The following RASGRF1 variants were observed in gnomAD, a reference collection of about 807,000 sequenced individuals.
RASGRF1 encodes the protein ras-specific guanine nucleotide-releasing factor 1.
Under a neutral mutation model 138.7 loss-of-function variants are expected in RASGRF1, and 40 were observed. The ratio of observed to expected loss-of-function variants is 0.29; its 90% CI spans 0.22 to 0.38. The LOEUF (loss-of-function observed/expected upper bound fraction) is 0.38, where lower values mean the gene tolerates loss of function less well. Ranked by LOEUF, RASGRF1 falls within the 10% of genes least tolerant of loss-of-function variation. The probability of loss-of-function intolerance (pLI) is 1.00; values close to 1 mark genes in which losing one functional copy is unlikely to be tolerated. For synonymous variants in RASGRF1, 614 were observed against 663.2 expected (o/e 0.93, Z 1.14); for missense variants, 1,108 against 1,650.4 (o/e 0.67, Z 5.69).
chr15:79,084,189 T>G (rs1208864779), intron 1 of RASGRF1, among the ~76,000 whole-genome samples: 2 of 152,172 alleles, frequency 1.3e-5, no homozygotes, highest in Non-Finnish European at 2.9e-5. Flanking sequence ...AAGTTAAGGA[T>G]TTGTCTATAG....
At position 78,961,958 on chromosome 15, in the gene RASGRF1, G is replaced by A. The variant is rs2055551777; in HGVS notation, c.*186C>T. On this transcript the variant is annotated 3_prime_UTR_variant, in exon 27 of 27. Coordinates refer to ENST00000558480, the MANE Select transcript of RASGRF1 (RefSeq NM_001145648.3). Reference sequence around the variant, plus strand: ...ACTGCAGGAGACGAGGGGAGGGATGGGTGGGCGAAGTCTGAAACGGTGCAG... The same window carrying A: ...ACTGCAGGAGACGAGGGGAGGGATGAGTGGGCGAAGTCTGAAACGGTGCAG... 5 of 568,532 alleles carry A rather than the reference G, an allele frequency of 8.8e-6. No homozygotes were observed. The highest frequency in any genetic ancestry group is 3.1e-6 in the Non-Finnish European group (1 of 318,522). 35.2% of individuals were successfully genotyped at this position (568,532 alleles called of 1,614,324 possible). A position where few individuals can be genotyped will look rare whatever the true frequency, so the allele number is the denominator to read the frequency against.
chr15:79,032,070 C>G lies in RASGRF1; in HGVS notation c.1152+53G>C. The G allele has an allele frequency of 1.9e-6, 3 of 1,568,136 alleles. No homozygotes were observed. The highest frequency in any genetic ancestry group is 2.6e-6 in the Non-Finnish European group (3 of 1,154,076). On this transcript the variant is annotated intron_variant, in intron 7 of 26. Transcript: ENST00000558480. The surrounding 1 kb of genome is among the most constrained non-coding windows in gnomAD (Gnocchi z 4.5). ...CTGTGCCCCCACCGCCATGGTCCATCCCCCACACCTGCCTCCCTGACTCTA... is the reference window on the plus strand; with the variant it reads ...CTGTGCCCCCACCGCCATGGTCCATGCCCCACACCTGCCTCCCTGACTCTA...
Position 78,978,220 on chromosome 15 carries a change from G to GTTTTTT in RASGRF1, c.3494+2394_3494+2399dup, listed in dbSNP as rs71148584. 4.6e-4 allele frequency among the ~76,000 whole-genome samples: 58 copies of GTTTTTT among 125,092 alleles called. 4 individuals carry two copies. Among genetic ancestry groups the GTTTTTT allele is most frequent in the African/African-American group, 1.9e-3 (47 of 24,818 alleles). The allele number at this position is 125,092 out of a possible 152,430, so 82.1% of individuals were successfully genotyped here. On this transcript the variant is annotated intron_variant, in intron 24 of 26. Coordinates refer to ENST00000558480, the MANE Select transcript of RASGRF1 (RefSeq NM_001145648.3). Reference sequence around the variant, plus strand: ...CTTCTTTTTCTTTTTCTTTTCTTTTGTTTTTTTTTTTTTTTTTTTTTTTTG... The same window carrying GTTTTTT: ...CTTCTTTTTCTTTTTCTTTTCTTTTGTTTTTTTTTTTTTTTTTTTTTTTTTTTTTTG...
At chr15:79,038,095 C>CACT (rs1263663857) in intron 5 of RASGRF1, among the ~76,000 whole-genome samples, 2 of 152,184 alleles carry the variant, frequency 1.3e-5, no homozygotes, top group Non-Finnish European at 1.5e-5. Context: ...TGCTCACCTC[C>CACT]TGCTGTGGGG....
rs541412491 is a variant in RASGRF1 at position 79,032,911 on chromosome 15, G to C, written c.959-595C>G. On this transcript the variant is annotated intron_variant, in intron 6 of 26. Transcript: ENST00000558480. This position sits in a 1 kb window ranked among gnomAD's most constrained non-coding sequence, Gnocchi z 4.5. ...GGCCACCCTCCCTCCTGCAGTCTCC[G>C]TCCTGAGACAGAAGTGGCCTATCTG... 7.9e-5 allele frequency among the ~76,000 whole-genome samples: 12 copies of C among 152,166 alleles called. No individual in the cohort carries two copies. The highest frequency in any genetic ancestry group is 1.6e-4 in the Non-Finnish European group (11 of 68,030).
intron 23 of RASGRF1, among the ~76,000 whole-genome samples, chr15:78,982,398 G>A (rs1408392123): frequency 6.6e-6 from 1 of 152,164 alleles, no homozygotes; most frequent in African/African-American, 2.4e-5. Flanking sequence ...GCTGTCTCCA[G>A]GAAGGAGCTC....
In RASGRF1 at chr15:79,032,795, G is replaced by A. The variant is rs1451168759; in HGVS notation, c.959-479C>T. On this transcript the variant is annotated intron_variant, in intron 6 of 26. Transcript: ENST00000558480. The surrounding 1 kb of genome is among the most constrained non-coding windows in gnomAD (Gnocchi z 4.5). ...TCCAGAGCTTCCTGTGGGGTCGGCT[G>A]AGGCTTCTGTTGCAGCTGGAAGGCT... Among the ~76,000 whole-genome samples, 4 of 152,186 alleles carry A rather than the reference G, an allele frequency of 2.6e-5. No individual in the cohort carries two copies. Among genetic ancestry groups the A allele is most frequent in the Non-Finnish European group, 5.9e-5 (4 of 68,018 alleles).
chr15:79,020,418 C>G (rs1208350377), intron 10 of RASGRF1, among the ~76,000 whole-genome samples: 2 of 152,264 alleles, frequency 1.3e-5, no homozygotes, highest in Non-Finnish European at 2.9e-5. Flanking sequence ...GCTTCCACAG[C>G]AGCTCCAGGG....
intron 1 of RASGRF1, among the ~76,000 whole-genome samples, chr15:79,066,153 CGA>C (rs990957500): frequency 4.6e-5 from 7 of 152,002 alleles, no homozygotes; most frequent in African/African-American, 1.7e-4. Context: ...CCCCATCTCT[CGA>C]GAGATGATGA....
intron 1 of RASGRF1, among the ~76,000 whole-genome samples, chr15:79,075,220 A>G (rs1397052315): frequency 6.6e-6 from 1 of 152,206 alleles, no homozygotes; most frequent in African/African-American, 2.4e-5. Context: ...TCCACAAACT[A>G]TACCTGCGAC....
In RASGRF1 at chr15:78,999,885, TC is replaced by T; in HGVS notation, c.2603del (p.Gly868GlufsTer4). On this transcript the variant is annotated frameshift_variant, in exon 17 of 27. Coordinates refer to ENST00000558480, the MANE Select transcript of RASGRF1 (RefSeq NM_001145648.3). LOFTEE classifies it high-confidence loss of function. ...GTTCACGACAGGAGGTCATGACGAC[TC>T]CATTGTTATAGGAAAAGAGTGGGAA... ...SEFPLFSYNN[G>X]VVMTSCRELD... 1.2e-6 allele frequency: 2 copies of T among 1,614,106 alleles called. No individual in the cohort carries two copies. The highest frequency in any genetic ancestry group is 1.7e-6 in the Non-Finnish European group (2 of 1,179,980).
At chr15:78,974,099 C>A (rs1169856731) in intron 24 of RASGRF1, among the ~76,000 whole-genome samples, 2 of 152,172 alleles carry the variant, frequency 1.3e-5, no homozygotes, top group African/African-American at 4.8e-5. Flanking sequence ...ATGGGCCATG[C>A]CTCTCTGATT....
At chr15:79,003,678 C>T in intron 15 of RASGRF1, 124 bp downstream of exon 15, 1 of 1,424,076 alleles carries the variant, frequency 7.0e-7, no homozygotes. Flanking sequence ...CTGGTGGGAC[C>T]CCCAAGCCTC....
chr15:79,076,068 G>T (rs984747624), intron 1 of RASGRF1, among the ~76,000 whole-genome samples: 1 of 152,238 alleles, frequency 6.6e-6, no homozygotes, highest in African/African-American at 2.4e-5. Context: ...CTTTTGGAAA[G>T]GTATGGTGGT....
intron 26 of RASGRF1, among the ~76,000 whole-genome samples, chr15:78,964,733 A>G (rs780208369): frequency 3.9e-5 from 6 of 152,252 alleles, no homozygotes; most frequent in African/African-American, 7.2e-5. Context: ...AGAATAAAGG[A>G]CATGACAATA....
intron 10 of RASGRF1, 70 bp from the exon 11 acceptor site, chr15:79,020,174 T>C (rs2056940698): frequency 1.4e-6 from 2 of 1,472,336 alleles, no homozygotes; most frequent in Non-Finnish European, 1.9e-6. Context: ...CCCTGGATGA[T>C]AGGGTTGGAG....
chr15:79,084,685 C>A (rs1236130857), intron 1 of RASGRF1, among the ~76,000 whole-genome samples: 1 of 152,198 alleles, frequency 6.6e-6, no homozygotes, highest in Non-Finnish European at 1.5e-5. Context: ...CATTAAAGCC[C>A]TTTTCTGCCC....
intron 5 of RASGRF1, among the ~76,000 whole-genome samples, chr15:79,036,650 G>A (rs142131394): frequency 6.6e-6 from 1 of 152,292 alleles, no homozygotes; most frequent in East Asian, 1.9e-4. Context: ...GATGGAGGGG[G>A]CTCAGAGGTT....
rs2057153619 is a variant in RASGRF1, at chr15:79,032,386, C to T, written c.959-70G>A. ...GGGACAGAATCCCCTAGGCCCTTGG[C>T]TCCCCCAGCTACACCCAGAGAGGCC... On this transcript the variant is annotated intron_variant, in intron 6 of 26. Coordinates refer to ENST00000558480, the MANE Select transcript of RASGRF1 (RefSeq NM_001145648.3). This position sits in a 1 kb window ranked among gnomAD's most constrained non-coding sequence, Gnocchi z 4.5. 2 of 1,470,510 alleles carry T rather than the reference C, an allele frequency of 1.4e-6. No individual in the cohort carries two copies. Among genetic ancestry groups the T allele is most frequent in the Non-Finnish European group, 1.9e-6 (2 of 1,068,588 alleles). The allele number at this position is 1,470,510 out of a possible 1,614,324, so 91.1% of individuals were successfully genotyped here.
Sources: gnomAD v4.1 joint callset for allele counts (sites outside exome capture counted in the v4.1 genomes callset) on GRCh38, gnomAD v4.1.1 for gene constraint, Gnocchi (gnomAD v3.1) non-coding constraint, MANE v1.5 for transcripts, NCBI Gene and HGNC (gene_info 2026-07-23, HGNC 2026-07-21) for gene names.